Variants in CLDN16 observed in about 807,000 individuals in gnomAD.
CLDN16 encodes claudin-16.
Under a neutral mutation model 24.6 loss-of-function variants are expected in CLDN16, and 13 were observed. The observed-to-expected ratio is 0.53, with a 90% confidence interval of 0.34 to 0.84. The LOEUF (loss-of-function observed/expected upper bound fraction) is 0.84, where lower values mean the gene tolerates loss of function less well. Among genes scored for constraint, CLDN16 ranks in the 40% least tolerant of loss-of-function variants. The probability of loss-of-function intolerance (pLI) is 0.01; values close to 1 mark genes in which losing one functional copy is unlikely to be tolerated. For missense variants in CLDN16, 298 were observed against 292.7 expected (o/e 1.02, Z -0.13); for synonymous variants, 116 against 106.7 (o/e 1.09, Z -0.54).
chr3:190,350,813 A>G (rs1273454087), intron 1 of CLDN16, among the ~76,000 whole-genome samples: 1 of 152,162 alleles, frequency 6.6e-6, no homozygotes, highest in Non-Finnish European at 1.5e-5. Context: ...ATCTTTTATC[A>G]TTGAGTTTGG....
rs554936755 is a variant in CLDN16, at chr3:190,344,861, T to C, written n.121+22200T>C. 6.6e-5 allele frequency among the ~76,000 whole-genome samples: 10 copies of C among 152,242 alleles called. No individual in the cohort carries two copies. In the South Asian group the frequency reaches 1.2e-3, roughly 19 times the overall value. On this transcript the variant is annotated intron_variant and non_coding_transcript_variant, in intron 1 of 4. Coordinates refer to the CLDN16 transcript ENST00000468220. Reference sequence around the variant, plus strand: ...GGTTGGGATTTAGGGACACATTGAATATTGGCAGAGAAGGGTCAGGTAGCT... The same window carrying C: ...GGTTGGGATTTAGGGACACATTGAACATTGGCAGAGAAGGGTCAGGTAGCT...
intron 3 of CLDN16, among the ~76,000 whole-genome samples, chr3:190,381,015 G>A (rs1718359724): frequency 6.6e-6 from 1 of 152,080 alleles, no homozygotes; most frequent in South Asian, 2.1e-4. Context: ...GGAATACTAA[G>A]TATAAAAGAT....
At chr3:190,377,808 G>T (rs1329260154) in intron 3 of CLDN16, among the ~76,000 whole-genome samples, 1 of 151,924 alleles carries the variant, frequency 6.6e-6, no homozygotes, top group Non-Finnish European at 1.5e-5. Context: ...GTGTAAAGAA[G>T]GTTTGAGTCT....
chr3:190,291,433 G>A, the CLDN16 span, among the ~76,000 whole-genome samples: 1 of 152,058 alleles, frequency 6.6e-6, no homozygotes, highest in Admixed American at 6.5e-5. Context: ...TGTAACAGAA[G>A]TGAAGAGAGA....
At chr3:190,360,872 C>A (rs1717873012) in intron 1 of CLDN16, among the ~76,000 whole-genome samples, 1 of 151,826 alleles carries the variant, frequency 6.6e-6, no homozygotes, top group Non-Finnish European at 1.5e-5. Flanking sequence ...TACTATAGTA[C>A]CTCACTTACA....
chr3:190,345,389 C>A (rs2108632033), intron 1 of CLDN16, among the ~76,000 whole-genome samples: 1 of 152,302 alleles, frequency 6.6e-6, no homozygotes, highest in Non-Finnish European at 1.5e-5. Flanking sequence ...CACATTCTCT[C>A]ACTGCACTTA....
chr3:190,394,130 G>A (rs1412708870), intron 1 of CLDN16, among the ~76,000 whole-genome samples: 1 of 152,052 alleles, frequency 6.6e-6, no homozygotes, highest in Non-Finnish European at 1.5e-5. Flanking sequence ...AATAGTGAAG[G>A]TTATTTATCA....
At chr3:190,291,413 C>G in the CLDN16 span, among the ~76,000 whole-genome samples, 1 of 152,024 alleles carries the variant, frequency 6.6e-6, no homozygotes, top group Non-Finnish European at 1.5e-5. Context: ...TGGCCACAGG[C>G]AAGAGAGGGT....
intron 1 of CLDN16, among the ~76,000 whole-genome samples, chr3:190,348,977 C>A (rs1422143230): frequency 1.3e-5 from 2 of 152,186 alleles, no homozygotes; most frequent in African/African-American, 4.8e-5. Flanking sequence ...CCATCCATGT[C>A]TCTGCAAAGG....
intron 1 of CLDN16, among the ~76,000 whole-genome samples, chr3:190,359,579 A>G (rs112677749): frequency 0.028 from 4,308 of 152,160 alleles, 96 homozygotes; most frequent in East Asian, 0.056. Context: ...TTAAATGTTA[A>G]CATTAGTACT....
chr3:190,372,966 T>G (rs1718172967), intron 2 of CLDN16, among the ~76,000 whole-genome samples: 1 of 151,916 alleles, frequency 6.6e-6, no homozygotes, highest in Non-Finnish European at 1.5e-5. Flanking sequence ...CATTTCTGCC[T>G]GTGTCGGAAT....
the CLDN16 span, among the ~76,000 whole-genome samples, chr3:190,302,815 T>C: frequency 1.3e-5 from 2 of 149,734 alleles, no homozygotes; most frequent in Non-Finnish European, 3.0e-5. Flanking sequence ...AAACAATCAA[T>C]CTATGTTTAG....
intron 3 of CLDN16, among the ~76,000 whole-genome samples, chr3:190,382,867 T>A (rs1577418472): frequency 6.6e-6 from 1 of 152,256 alleles, no homozygotes; most frequent in East Asian, 1.9e-4. Flanking sequence ...CTCATTAATC[T>A]CACTAACTGG....
the CLDN16 span, among the ~76,000 whole-genome samples, chr3:190,296,264 A>C: frequency 6.6e-6 from 1 of 152,212 alleles, no homozygotes; most frequent in Admixed American, 6.5e-5. Context: ...TGCATGAATA[A>C]AAATATAATA....
intron 1 of CLDN16, among the ~76,000 whole-genome samples, chr3:190,326,437 G>A (rs1207077266): frequency 6.6e-6 from 1 of 152,182 alleles, no homozygotes; most frequent in Non-Finnish European, 1.5e-5. Context: ...GGCAGCAATG[G>A]CAGGGGTATG....
At chr3:190,339,243 ACT>A (rs1303290936) in intron 1 of CLDN16, among the ~76,000 whole-genome samples, 7 of 151,992 alleles carry the variant, frequency 4.6e-5, no homozygotes, top group African/African-American at 1.7e-4. Context: ...CCTGCACAAG[ACT>A]CTCTGTCTAA....
chr3:190,357,176 C>T (rs919571573), intron 1 of CLDN16, among the ~76,000 whole-genome samples: 1 of 151,880 alleles, frequency 6.6e-6, no homozygotes, highest in African/African-American at 2.4e-5. Context: ...TTAACATCCT[C>T]CTATGAGTAT....
the CLDN16 span, among the ~76,000 whole-genome samples, chr3:190,302,378 G>A: frequency 6.6e-6 from 1 of 152,108 alleles, no homozygotes. Context: ...TGGAAGAAAG[G>A]AATTTTTGTC....
Position 190,410,025 on chromosome 3 carries a change from A to G in CLDN16, c.697A>G (p.Thr233Ala), listed in dbSNP as rs746297543. The G allele has an allele frequency of 3.1e-6, 5 of 1,614,152 alleles. No individual in the cohort carries two copies. The highest frequency in any genetic ancestry group is 4.2e-6 in the Non-Finnish European group (5 of 1,180,006). The change falls in exon 5 of 5, where the codon ACA becomes GCA. Residue 233 changes from threonine (T) to alanine (A), a missense_variant. Thr to Ala is a moderately conservative substitution (Grantham distance 58, BLOSUM62 0). Coordinates refer to ENST00000264734, the MANE Select transcript of CLDN16 (RefSeq NM_006580.4). ...GACGGCCAAAATGTATGCTGTAGAC[A>G]CAAGGGTGTAAAATGCACGTTTCAG... ...TETAKMYAVD[T>A]RV
Sources: gnomAD v4.1 joint callset for allele counts (sites outside exome capture counted in the v4.1 genomes callset) on GRCh38, gnomAD v4.1.1 for gene constraint, MANE v1.5 for transcripts, NCBI Gene and HGNC (gene_info 2026-07-23, HGNC 2026-07-21) for gene names.